CAMSAP1: variants seen among roughly 807,000 people sequenced by gnomAD.
CAMSAP1 encodes the protein calmodulin regulated spectrin associated protein 1, also known as calmodulin-regulated spectrin-associated protein 1.
A neutral mutation model predicts 143.5 loss-of-function variants in CAMSAP1; 58 were observed. That is an observed-to-expected ratio of 0.40 (90% confidence interval 0.33 to 0.50). The LOEUF (loss-of-function observed/expected upper bound fraction) is 0.50. Among genes scored for constraint, CAMSAP1 ranks in the 20% least tolerant of loss-of-function variants. CAMSAP1 has a pLI of 0.45. For synonymous variants in CAMSAP1, 945 were observed against 859.3 expected, an observed-to-expected ratio of 1.10 and a Z score of -1.74; for missense variants, 1,969 against 2,115.7, an observed-to-expected ratio of 0.93 and a Z score of 1.36.
At chr9:135,876,421 T>C (rs184803197) in intron 3 of CAMSAP1, among the ~76,000 whole-genome samples, 3 of 152,238 alleles carry the variant, frequency 2.0e-5, no homozygotes, top group African/African-American at 4.8e-5. Flanking sequence ...GGCAAAATAT[T>C]TGAAGCAGCA....
chr9:135,851,567 A>G (rs1475581246), intron 5 of CAMSAP1, among the ~76,000 whole-genome samples: 1 of 152,034 alleles, frequency 6.6e-6, no homozygotes. Flanking sequence ...CATTCTCCCA[A>G]CACTGCCACA....
At chr9:135,865,450 A>G (rs1328710719) in intron 4 of CAMSAP1, 1 of 1,352,174 alleles carries the variant, frequency 7.4e-7, no homozygotes, top group Non-Finnish European at 1.0e-6. Context: ...ACACTTCCCC[A>G]CGGCGTTTAC....
Position 135,844,720 on chromosome 9 carries a change from T to C in CAMSAP1, c.1045+5417A>G, listed in dbSNP as rs559101504. ...GATCCCGCAGAAATACAAACTACCA[T>C]CAGAGAATACTATAAACAACTCAGT... is the stretch of plus-strand genomic sequence containing the variant. On this transcript the variant is annotated intron_variant, in intron 7 of 16. Coordinates refer to ENST00000389532, the MANE Select transcript of CAMSAP1 (RefSeq NM_015447.4). Among the ~76,000 whole-genome samples the C allele has an allele frequency of 5.2e-4, 79 of 152,208 alleles. 3 individuals are homozygous for C. In the South Asian group the frequency reaches 0.013, roughly 24 times the overall value.
intron 3 of CAMSAP1, among the ~76,000 whole-genome samples, chr9:135,874,654 C>T (rs1837678941): frequency 6.6e-6 from 1 of 151,494 alleles, no homozygotes; most frequent in Non-Finnish European, 1.5e-5. Flanking sequence ...ATCTGAGGTA[C>T]TAAACAGTAC....
At chr9:135,838,675 G>A (rs1435487479) in intron 7 of CAMSAP1, among the ~76,000 whole-genome samples, 15 of 119,490 alleles carry the variant, frequency 1.3e-4, no homozygotes, top group Admixed American at 8.6e-4. Context: ...CTTTCCACCC[G>A]TTCTACAGAC....
chr9:135,820,047 G>T lies in CAMSAP1; in HGVS notation c.3822+792C>A, dbSNP rs548704538. Reference sequence around the variant, plus strand: ...CGAGAGAAAACGTTCTGAGAAATAGGTCCTCAGGTGACTCTGCTGCTGTGT... The same window carrying T: ...CGAGAGAAAACGTTCTGAGAAATAGTTCCTCAGGTGACTCTGCTGCTGTGT... On this transcript the variant is annotated intron_variant, in intron 11 of 16. Transcript: ENST00000389532. The surrounding 1 kb of genome is among the most constrained non-coding windows in gnomAD (Gnocchi z 4.4). Among the ~76,000 whole-genome samples, 1 of 152,272 alleles carries T rather than the reference G, an allele frequency of 6.6e-6. No homozygotes were observed. The highest frequency in any genetic ancestry group is 1.5e-5 in the Non-Finnish European group (1 of 68,026).
intron 1 of CAMSAP1, among the ~76,000 whole-genome samples, chr9:135,886,798 A>T (rs930941226): frequency 6.6e-6 from 1 of 152,244 alleles, no homozygotes; most frequent in African/African-American, 2.4e-5. Flanking sequence ...AGGCTGACAC[A>T]GGCAGGCAGC....
chr9:135,816,549 G>A (rs375055845), intron 14 of CAMSAP1, among the ~76,000 whole-genome samples: 4 of 152,164 alleles, frequency 2.6e-5, no homozygotes, highest in African/African-American at 9.7e-5. Context: ...CAGAGATGTC[G>A]GCTGCTGCTC....
At chr9:135,819,296 A>G (rs939221460) in intron 11 of CAMSAP1, 150 bp from the exon 12 acceptor site, 22 of 1,155,002 alleles carry the variant, frequency 1.9e-5, no homozygotes, top group Non-Finnish European at 2.5e-5. Flanking sequence ...ACAGACTCTG[A>G]AATACGAATG....
chr9:135,827,859 G>A (rs576811478), intron 7 of CAMSAP1, among the ~76,000 whole-genome samples: 2 of 152,344 alleles, frequency 1.3e-5, no homozygotes, highest in South Asian at 2.1e-4. Context: ...CTTGGTCACC[G>A]TCTAGCACCC....
chr9:135,830,852 C>G, intron 7 of CAMSAP1, among the ~76,000 whole-genome samples: 1 of 152,118 alleles, frequency 6.6e-6, no homozygotes, highest in East Asian at 1.9e-4. Context: ...CTTTTCAAAC[C>G]ACAATGGAAT....
At chr9:135,845,100 C>T (rs1339880836) in intron 7 of CAMSAP1, among the ~76,000 whole-genome samples, 6 of 152,128 alleles carry the variant, frequency 3.9e-5, no homozygotes, top group Admixed American at 1.3e-4. Context: ...TGATGAACAT[C>T]GATGCAAAAA....
chr9:135,907,073 C>A lies in CAMSAP1; in HGVS notation c.87G>T (p.Leu29=). The change falls in exon 1 of 17, where the codon CTG becomes CTT. Residue 29 remains leucine (L), a synonymous_variant. Transcript: ENST00000389532. ...PPDGAADLVP[L]DRYDAARAKI... is the part of the protein sequence containing the mutation. ...TGGCGCGCGCCGCGTCGTAGCGGTC[C>A]AGGGGCACGAGGTCGGCGGCGCCGT... 1 of 1,177,510 alleles carries A rather than the reference C, an allele frequency of 8.5e-7. No individual in the cohort carries two copies. The highest frequency in any genetic ancestry group is 1.1e-6 in the Non-Finnish European group (1 of 945,886). The allele number at this position is 1,177,510 out of a possible 1,614,324, so 72.9% of individuals were successfully genotyped here.
At chr9:135,842,511 C>T (rs370952534) in intron 7 of CAMSAP1, among the ~76,000 whole-genome samples, 9 of 151,916 alleles carry the variant, frequency 5.9e-5, no homozygotes, top group African/African-American at 2.2e-4. Context: ...GCACACTCCA[C>T]GAGAAGAGCA....
intron 7 of CAMSAP1, among the ~76,000 whole-genome samples, 170 bp from the exon 8 acceptor site, chr9:135,827,754 A>C (rs1564425495): frequency 6.6e-6 from 1 of 152,266 alleles, no homozygotes; most frequent in South Asian, 2.1e-4. Flanking sequence ...CAAGTACTAC[A>C]AATATTATAC....
intron 7 of CAMSAP1, chr9:135,836,661 C>A: frequency 1.0e-6 from 1 of 983,994 alleles, no homozygotes; most frequent in Non-Finnish European, 1.2e-6. Context: ...CACTTTCTAC[C>A]CCGTTCTACA....
chr9:135,835,226 TA>T (rs1006570562), intron 7 of CAMSAP1, among the ~76,000 whole-genome samples: 10 of 152,088 alleles, frequency 6.6e-5, no homozygotes, highest in African/African-American at 2.4e-4. Context: ...AAGGAGGGGC[TA>T]GGACCCCTCC....
chr9:135,835,342 G>A (rs755574681), intron 7 of CAMSAP1, among the ~76,000 whole-genome samples: 4 of 152,194 alleles, frequency 2.6e-5, no homozygotes, highest in Non-Finnish European at 5.9e-5. Flanking sequence ...CACCAGGGCT[G>A]TCTGAAGCAA....
intron 16 of CAMSAP1, among the ~76,000 whole-genome samples, chr9:135,812,323 A>G (rs1336344203): frequency 2.0e-5 from 3 of 152,192 alleles, no homozygotes; most frequent in African/African-American, 4.8e-5. Flanking sequence ...GCAATGGAGC[A>G]TTACCCAGCT....
Sources: allele counts gnomAD v4.1 joint callset (sites outside exome capture counted in the v4.1 genomes callset), GRCh38; gene constraint gnomAD v4.1.1; non-coding constraint Gnocchi (gnomAD v3.1); transcripts MANE v1.5; gene names NCBI Gene and HGNC (gene_info 2026-07-23, HGNC 2026-07-21).